ABCG2: variants seen among roughly 807,000 people sequenced by gnomAD.
ABCG2 encodes broad substrate specificity ATP-binding cassette transporter ABCG2.
Under a neutral mutation model 73.5 loss-of-function variants are expected in ABCG2, and 80 were observed. The ratio of observed to expected loss-of-function variants is 1.09; its 90% CI spans 0.91 to 1.31. ABCG2 has a LOEUF of 1.31. Ranked by LOEUF, ABCG2 falls within the 50% of genes most tolerant of loss-of-function variation. ABCG2 has a pLI of 0.00. For synonymous variants in ABCG2, 269 were observed against 282.4 expected, an observed-to-expected ratio of 0.95 and a Z score of 0.48; for missense variants, 796 against 786.2, an observed-to-expected ratio of 1.01 and a Z score of -0.15.
intron 1 of ABCG2, among the ~76,000 whole-genome samples, chr4:88,211,608 G>A (rs1452948267): frequency 1.3e-5 from 2 of 152,020 alleles, no homozygotes; most frequent in African/African-American, 2.4e-5. Context: ...AAGTAGAGAC[G>A]GGGTTTCACT....
chr4:88,227,383 G>A (rs187230586), intron 1 of ABCG2, among the ~76,000 whole-genome samples: 263 of 152,208 alleles, frequency 1.7e-3, no homozygotes, highest in Non-Finnish European at 3.2e-3. Flanking sequence ...CAACAAGAGC[G>A]AAACTCTGTC....
intron 15 of ABCG2, 130 bp downstream of exon 15, chr4:88,094,447 G>A (rs139708147): frequency 3.0e-5 from 21 of 695,884 alleles, no homozygotes; most frequent in African/African-American, 2.5e-4. Context: ...CTCACTTTAT[G>A]GATGAGAAAA....
At chr4:88,170,788 T>C (rs1164402829) in intron 1 of ABCG2, among the ~76,000 whole-genome samples, 2 of 152,230 alleles carry the variant, frequency 1.3e-5, no homozygotes, top group African/African-American at 4.8e-5. Context: ...AGCGACCGGC[T>C]CCTCTTTCAG....
At chr4:88,181,472 T>C (rs143754672) in intron 1 of ABCG2, among the ~76,000 whole-genome samples, 3 of 150,250 alleles carry the variant, frequency 2.0e-5, no homozygotes, top group Admixed American at 1.3e-4. Context: ...GACTCATGTA[T>C]GTAATTCCAG....
At chr4:88,194,455 C>A (rs1397787147) in intron 1 of ABCG2, among the ~76,000 whole-genome samples, 1 of 145,818 alleles carries the variant, frequency 6.9e-6, no homozygotes, top group Admixed American at 7.2e-5. Context: ...GAGGCTGAGG[C>A]AGGAGAATGG....
At chr4:88,199,918 C>T (rs188747877) in intron 1 of ABCG2, among the ~76,000 whole-genome samples, 1 of 152,162 alleles carries the variant, frequency 6.6e-6, no homozygotes, top group Admixed American at 6.5e-5. Context: ...GGGAGAATGG[C>T]GTGAACCCGG....
chr4:88,126,290 C>T (rs1393163631), intron 5 of ABCG2, among the ~76,000 whole-genome samples: 3 of 152,112 alleles, frequency 2.0e-5, no homozygotes, highest in East Asian at 1.9e-4. Flanking sequence ...AATTAATAGC[C>T]TACCAACCAA....
At chr4:88,161,167 T>A (rs193062548), upstream of ABCG2, among the ~76,000 whole-genome samples, 3,616 of 96,802 alleles carry the variant, frequency 0.037, 156 homozygotes, top group African/African-American at 0.096. Context: ...TTTTTTTTTT[T>A]AATTTTTTTT....
intron 1 of ABCG2, among the ~76,000 whole-genome samples, chr4:88,186,715 C>A (rs991648842): frequency 6.6e-6 from 1 of 150,816 alleles, no homozygotes. Flanking sequence ...GTCAGGAGAT[C>A]GAGACCATCC....
At chr4:88,144,133 C>T (rs868071548) in intron 1 of ABCG2, among the ~76,000 whole-genome samples, 6 of 152,178 alleles carry the variant, frequency 3.9e-5, no homozygotes, top group South Asian at 2.1e-4. Context: ...CCACCTGTTG[C>T]CGTTTCCTTA....
intron 6 of ABCG2, among the ~76,000 whole-genome samples, chr4:88,120,224 C>T (rs1459921802): frequency 6.6e-6 from 1 of 152,198 alleles, no homozygotes; most frequent in Admixed American, 6.5e-5. Context: ...AGGCAAAAGT[C>T]AACTTTAGGG....
chr4:88,137,864 T>G (rs1242022183), intron 2 of ABCG2, among the ~76,000 whole-genome samples: 4 of 152,162 alleles, frequency 2.6e-5, no homozygotes, highest in African/African-American at 9.7e-5. Flanking sequence ...ACGTTTAAAT[T>G]TAACATCAGG....
chr4:88,169,474 G>A (rs1727671709), intron 1 of ABCG2, among the ~76,000 whole-genome samples: 1 of 152,146 alleles, frequency 6.6e-6, no homozygotes, highest in African/African-American at 2.4e-5. Context: ...TGAGTACAGT[G>A]TAATTTATTT....
At chr4:88,178,653 T>G (rs1728103505) in intron 1 of ABCG2, among the ~76,000 whole-genome samples, 1 of 152,060 alleles carries the variant, frequency 6.6e-6, no homozygotes, top group Admixed American at 6.6e-5. Flanking sequence ...TCTTAAACAA[T>G]ATTTCGGGAC....
chr4:88,095,679 C>T (rs1453148122), intron 13 of ABCG2, 70 bp from the exon 14 acceptor site: 2 of 1,176,252 alleles, frequency 1.7e-6, no homozygotes, highest in Non-Finnish European at 2.5e-6. Flanking sequence ...AGAATACCCT[C>T]TTCAAGTCCC....
At chr4:88,130,531 C>A (rs1724775308) in intron 5 of ABCG2, among the ~76,000 whole-genome samples, 2 of 151,910 alleles carry the variant, frequency 1.3e-5, no homozygotes, top group South Asian at 2.1e-4. Context: ...TGAATTATCC[C>A]AAAACCATCC....
intron 1 of ABCG2, among the ~76,000 whole-genome samples, chr4:88,222,225 C>T (rs935314629): frequency 6.6e-5 from 10 of 152,222 alleles, no homozygotes; most frequent in East Asian, 1.9e-4. Flanking sequence ...TGGGAACCTC[C>T]GCCTACATTT....
At chr4:88,196,343 G>A (rs1353620469) in intron 1 of ABCG2, among the ~76,000 whole-genome samples, 1 of 152,102 alleles carries the variant, frequency 6.6e-6, no homozygotes, top group Non-Finnish European at 1.5e-5. Flanking sequence ...ATTGTTCCTA[G>A]CACAGAATAA....
At position 88,131,091 on chromosome 4, in the gene ABCG2, C is replaced by T. The variant is rs1311081564; in HGVS notation, c.501G>A (p.Glu167=). 1 of 1,614,026 alleles carries T rather than the reference C, an allele frequency of 6.2e-7. No homozygotes were observed. The highest frequency in any genetic ancestry group is 1.1e-5 in the South Asian group (1 of 91,078). ...KNERINRVIQ[E]LGLDKVADSK... ...AGTCTGCCACTTTATCCAGACCTAACTCTTGAATGACCCTGTTAATCCGTT... is the reference window on the plus strand; with the variant it reads ...AGTCTGCCACTTTATCCAGACCTAATTCTTGAATGACCCTGTTAATCCGTT... The change falls in exon 5 of 16, where the codon GAG becomes GAA. Residue 167 remains glutamate, a synonymous_variant. Coordinates refer to ENST00000237612, the MANE Select transcript of ABCG2 (RefSeq NM_004827.3).
Sources: gnomAD v4.1 joint callset for allele counts (sites outside exome capture counted in the v4.1 genomes callset) on GRCh38, gnomAD v4.1.1 for gene constraint, MANE v1.5 for transcripts, NCBI Gene and HGNC (gene_info 2026-07-23, HGNC 2026-07-21) for gene names.